Variants in SMG7 observed in about 807,000 individuals in gnomAD.
The protein encoded by SMG7 is nonsense-mediated mRNA decay factor SMG7.
SMG7 carries 34 observed loss-of-function variants against 148.2 expected under a neutral mutation model. The ratio of observed to expected loss-of-function variants is 0.23; its 90% CI spans 0.17 to 0.31. SMG7 has a LOEUF of 0.31. SMG7 is among the 10% of genes least tolerant of loss of function. The pLI, the probability that SMG7 is intolerant of heterozygous loss-of-function variation, is 1.00. For synonymous variants in SMG7, 492 were observed against 515.1 expected (o/e 0.96, Z 0.61); for missense variants, 1,114 against 1,408.4 (o/e 0.79, Z 3.35).
intron 8 of SMG7, among the ~76,000 whole-genome samples, chr1:183,531,885 A>T (rs1425817067): frequency 2.6e-5 from 4 of 152,180 alleles, no homozygotes; most frequent in Non-Finnish European, 5.9e-5. Context: ...AGTTGTAGAA[A>T]CTGAAGGAGA....
chr1:183,477,947 G>A (rs1653087428), intron 1 of SMG7, among the ~76,000 whole-genome samples: 1 of 152,052 alleles, frequency 6.6e-6, no homozygotes, highest in Non-Finnish European at 1.5e-5. Flanking sequence ...TAAGCCAGCA[G>A]AAAAATGGTT....
chr1:183,549,900 C>T lies in SMG7; in HGVS notation c.3110C>T (p.Ser1037Phe). 6.2e-7 allele frequency: 1 copy of T among 1,613,770 alleles called. No individual in the cohort carries two copies. Among genetic ancestry groups the T allele is most frequent in the Non-Finnish European group, 8.5e-7 (1 of 1,179,706 alleles). ...TCCCTTTTTGAAGGGACTCCGTGGT[C>T]TCCATCACTTCCTGCCAGTTCAGGT... Reference protein sequence around the residue: ...LYSLFEGTPWSPSLPASSDHS... With the variant: ...LYSLFEGTPWFPSLPASSDHS... Residue 1037 changes from serine (S) to phenylalanine (F), a missense_variant, in exon 20 of 23, where the codon TCT (serine) becomes TTT (phenylalanine). Ser to Phe is a radical substitution (Grantham distance 155). Around this residue, in one of 4 missense-constraint regions of SMG7, gnomAD observed 788 missense variants for 894.5 expected, o/e 0.88. Transcript: ENST00000688051.
intron 10 of SMG7, among the ~76,000 whole-genome samples, chr1:183,536,509 C>G (rs949594693): frequency 6.6e-6 from 1 of 152,092 alleles, no homozygotes; most frequent in Admixed American, 6.5e-5. Flanking sequence ...TAACATACCT[C>G]ACTCAGGAAC....
intron 2 of SMG7, among the ~76,000 whole-genome samples, chr1:183,515,407 G>A (rs1231932192): frequency 6.6e-6 from 1 of 152,154 alleles, no homozygotes; most frequent in African/African-American, 2.4e-5. Flanking sequence ...AAGGACATTT[G>A]TGGGAGTCCT....
At chr1:183,517,858 G>A (rs898487987) in intron 4 of SMG7, 38 bp downstream of exon 4, 22 of 1,604,678 alleles carry the variant, frequency 1.4e-5, no homozygotes, top group Middle Eastern at 1.7e-4. Flanking sequence ...CTTACTATTA[G>A]TGGTAAATAT....
Position 183,553,316 on chromosome 1 carries a change from A to C in SMG7, c.*1385A>C. The C allele has an allele frequency of 1.8e-6, 2 of 1,099,656 alleles. No homozygotes were observed. Among genetic ancestry groups the C allele is most frequent in the Non-Finnish European group, 2.5e-6 (2 of 789,112 alleles). The allele number at this position is 1,099,656 out of a possible 1,614,324, so 68.1% of individuals were successfully genotyped here. A position where few individuals can be genotyped will look rare whatever the true frequency, so the allele number is the denominator to read the frequency against. On this transcript the variant is annotated 3_prime_UTR_variant, in exon 23 of 23. Coordinates refer to ENST00000688051, the MANE Select transcript of SMG7 (RefSeq NM_001375584.1). The stretch of plus-strand genomic sequence containing the variant: ...TGGAAAAGTAATATTTTAAGGGGAA[A>C]TTATGGAAACAATCTAATTGTTCAA...
chr1:183,530,375 T>C (rs1666642334), intron 8 of SMG7, among the ~76,000 whole-genome samples: 1 of 152,150 alleles, frequency 6.6e-6, no homozygotes, highest in African/African-American at 2.4e-5. Context: ...TGCGAAATAG[T>C]TTTTACAGGT....
rs1274664849 is a variant in SMG7 at position 183,551,123 on chromosome 1, G to A, written c.3383G>A (p.Ser1128Asn). Residue 1128 changes from serine to asparagine, a missense_variant, in exon 22 of 23, where the codon AGT (serine) becomes AAT (asparagine). Coordinates refer to ENST00000688051, the MANE Select transcript of SMG7 (RefSeq NM_001375584.1). ...ESSWHQASTPSGTWTGHGPSM... is the reference protein window; with the variant it reads ...ESSWHQASTPNGTWTGHGPSM... ...AGTTGGCATCAGGCCAGCACTCCGA[G>A]TGGCACCTGGACAGGCCATGGCCCT... 1 of 1,609,710 alleles carries A rather than the reference G, an allele frequency of 6.2e-7. No individual in the cohort carries two copies. The highest frequency in any genetic ancestry group is 8.5e-7 in the Non-Finnish European group (1 of 1,178,932).
chr1:183,534,417 C>G (rs1352864589), intron 10 of SMG7, among the ~76,000 whole-genome samples: 1 of 152,204 alleles, frequency 6.6e-6, no homozygotes. Flanking sequence ...ATAAATACTT[C>G]CAAGGTGGCT....
At chr1:183,485,508 T>C (rs911858382) in intron 1 of SMG7, among the ~76,000 whole-genome samples, 2 of 152,206 alleles carry the variant, frequency 1.3e-5, no homozygotes, top group African/African-American at 4.8e-5. Context: ...TATTCCTCCC[T>C]TATTATAGCT....
chr1:183,482,533 GT>G (rs1158504941), intron 1 of SMG7, among the ~76,000 whole-genome samples: 3 of 152,046 alleles, frequency 2.0e-5, no homozygotes, highest in African/African-American at 7.2e-5. Context: ...CTTAATTATG[GT>G]TTTAGTTACC....
rs772926172 is a variant in SMG7 at position 183,550,828 on chromosome 1, C to T, written c.3211C>T (p.His1071Tyr). The part of the protein sequence containing the change: ...SLPSSPPTHN[H>Y]NSVPFSNFGP... ...ACCCAGCTCTCCTCCAACACACAAC[C>T]ATAATTCTGTTCCATTCTCCAATTT... Residue 1071 changes from histidine (H) to tyrosine (Y), a missense_variant, in exon 21 of 23, where the codon CAT (histidine) becomes TAT (tyrosine). Physicochemically the swap from His to Tyr is moderately conservative, Grantham distance 83. Coordinates refer to ENST00000688051, the MANE Select transcript of SMG7 (RefSeq NM_001375584.1). 32 of 1,614,024 alleles carry T rather than the reference C, an allele frequency of 2.0e-5. No individual in the cohort carries two copies. Among genetic ancestry groups the T allele is most frequent in the African/African-American group, 2.7e-5 (2 of 74,932 alleles).
At chr1:183,550,503 T>C (rs1670813798) in intron 20 of SMG7, among the ~76,000 whole-genome samples, 1 of 152,218 alleles carries the variant, frequency 6.6e-6, no homozygotes, top group South Asian at 2.1e-4. Context: ...AGGGCATTCA[T>C]TCAGTTGACA....
intron 4 of SMG7, among the ~76,000 whole-genome samples, chr1:183,518,265 T>C (rs1031442032): frequency 6.6e-5 from 10 of 151,826 alleles, no homozygotes; most frequent in Non-Finnish European, 1.2e-4. Flanking sequence ...TCAATGCAAA[T>C]GTCCATAAGA....
At chr1:183,513,117 A>C in intron 2 of SMG7, 2 of 392,050 alleles carry the variant, frequency 5.1e-6, no homozygotes, top group Admixed American at 8.9e-5. Flanking sequence ...TAGTTTATAT[A>C]ATCACTTAAT....
At chr1:183,514,104 G>A (rs1014969778) in intron 2 of SMG7, among the ~76,000 whole-genome samples, 12 of 150,482 alleles carry the variant, frequency 8.0e-5, no homozygotes, top group Admixed American at 4.6e-4. Flanking sequence ...ACCGTATACT[G>A]GTCAGTATGC....
At chr1:183,529,624 T>A in intron 8 of SMG7, 91 bp downstream of exon 8, 1 of 1,001,420 alleles carries the variant, frequency 1.0e-6, no homozygotes, top group Non-Finnish European at 1.5e-6. Context: ...TGTAGTTACT[T>A]AACTGTGTGA....
At chr1:183,481,966 C>A (rs1393423132) in intron 1 of SMG7, among the ~76,000 whole-genome samples, 1 of 152,098 alleles carries the variant, frequency 6.6e-6, no homozygotes, top group Non-Finnish European at 1.5e-5. Context: ...AGCCATGAGC[C>A]ACCATTCCCT....
At chr1:183,499,357 C>G (rs958377069) in intron 1 of SMG7, among the ~76,000 whole-genome samples, 1 of 152,158 alleles carries the variant, frequency 6.6e-6, no homozygotes, top group East Asian at 1.9e-4. Flanking sequence ...ATTTTGCATT[C>G]CCAACAGCAG....
Sources: gnomAD v4.1 joint callset for allele counts (sites outside exome capture counted in the v4.1 genomes callset) on GRCh38, gnomAD v4.1.1 for gene constraint, gnomAD v4.1.1 regional missense constraint, MANE v1.5 for transcripts, NCBI Gene and HGNC (gene_info 2026-07-23, HGNC 2026-07-21) for gene names.